ADAM19: variants seen among roughly 807,000 people sequenced by gnomAD.
The protein encoded by ADAM19 is ADAM metallopeptidase domain 19.
A neutral mutation model predicts 114.7 loss-of-function variants in ADAM19; 65 were observed. The ratio of observed to expected loss-of-function variants is 0.57; its 90% CI spans 0.46 to 0.70. The LOEUF (loss-of-function observed/expected upper bound fraction) is 0.70. Among genes scored for constraint, ADAM19 ranks in the 30% least tolerant of loss-of-function variants. ADAM19 has a pLI of 0.00. For missense variants in ADAM19, 1,063 were observed against 1,204.7 expected (o/e 0.88, Z 1.74); for synonymous variants, 466 against 460.5 (o/e 1.01, Z -0.15).
At chr5:157,527,374 C>T (rs1756496302) in intron 5 of ADAM19, among the ~76,000 whole-genome samples, 1 of 152,174 alleles carries the variant, frequency 6.6e-6, no homozygotes, top group African/African-American at 2.4e-5. Flanking sequence ...CCACGCCTGA[C>T]TAATTTTTTG....
chr5:157,482,007 A>G (rs1234764232), intron 21 of ADAM19, 64 bp from the exon 22 acceptor site: 3 of 1,308,080 alleles, frequency 2.3e-6, no homozygotes, highest in African/African-American at 1.5e-5. Context: ...AATATCCCTG[A>G]TATCTTACAG....
intron 4 of ADAM19, among the ~76,000 whole-genome samples, chr5:157,533,530 C>T (rs531207921): frequency 6.6e-6 from 1 of 152,262 alleles, no homozygotes; most frequent in South Asian, 2.1e-4. Context: ...AGGGGAGCCA[C>T]AAACCCCGTA....
chr5:157,499,881 C>T (rs1222284976), intron 12 of ADAM19, among the ~76,000 whole-genome samples: 3 of 150,520 alleles, frequency 2.0e-5, no homozygotes, highest in Non-Finnish European at 2.9e-5. Flanking sequence ...TGGTTTCAAG[C>T]GATTCTCCCG....
At chr5:157,542,595 G>A (rs1756945399) in intron 3 of ADAM19, among the ~76,000 whole-genome samples, 1 of 152,222 alleles carries the variant, frequency 6.6e-6, no homozygotes. Context: ...TGGATCACAC[G>A]AGGCCAGGAG....
chr5:157,531,787 A>T (rs1488738363), intron 4 of ADAM19, among the ~76,000 whole-genome samples: 1 of 152,138 alleles, frequency 6.6e-6, no homozygotes, highest in Non-Finnish European at 1.5e-5. Flanking sequence ...CAGAAAGAGA[A>T]GAAGGCCATT....
At chr5:157,515,165 G>C (rs1349153842) in intron 7 of ADAM19, among the ~76,000 whole-genome samples, 1 of 152,204 alleles carries the variant, frequency 6.6e-6, no homozygotes, top group Non-Finnish European at 1.5e-5. Context: ...TCTAGAGTTA[G>C]ATTCAGTGTG....
At chr5:157,535,379 T>C (rs1319939031) in intron 4 of ADAM19, among the ~76,000 whole-genome samples, 1 of 152,224 alleles carries the variant, frequency 6.6e-6, no homozygotes, top group African/African-American at 2.4e-5. Context: ...AGGCCAAGTT[T>C]GGTAGTAGAG....
Position 157,520,181 on chromosome 5 carries a change from G to A in ADAM19, c.408-150C>T, listed in dbSNP as rs1442063240. On this transcript the variant is annotated intron_variant, in intron 5 of 22. Coordinates refer to ENST00000257527, the MANE Select transcript of ADAM19 (RefSeq NM_033274.5). ...ATTATGGGGCCATGTACCCCTTCGTGAGACTCTGATGCAAGCTCACACTTC... is the reference window on the plus strand; with the variant it reads ...ATTATGGGGCCATGTACCCCTTCGTAAGACTCTGATGCAAGCTCACACTTC... 13 of 706,406 alleles carry A rather than the reference G, an allele frequency of 1.8e-5. No individual in the cohort carries two copies. The East Asian group carries it at 2.5e-4, about 13-fold the overall frequency. The allele number at this position is 706,406 out of a possible 1,614,324, so 43.8% of individuals were successfully genotyped here. A position where few individuals can be genotyped will look rare whatever the true frequency, so the allele number is the denominator to read the frequency against.
chr5:157,496,857 G>C, intron 14 of ADAM19, 37 bp downstream of exon 14: 1 of 1,497,912 alleles, frequency 6.7e-7, no homozygotes, highest in East Asian at 2.7e-5. Flanking sequence ...GGGAAGTGGT[G>C]GGCTGGGGAG....
In ADAM19 at chr5:157,480,978, C is replaced by T. The variant is rs747977098; in HGVS notation, c.2728G>A (p.Ala910Thr). The T allele has an allele frequency of 3.7e-6, 6 of 1,614,148 alleles. No homozygotes were observed. Among genetic ancestry groups the T allele is most frequent in the Non-Finnish European group, 5.1e-6 (6 of 1,180,030 alleles). Residue 910 changes from alanine (A) to threonine (T), a missense_variant, in exon 23 of 23, where the codon GCT becomes ACT. Physicochemically the swap from Ala to Thr is moderately conservative, Grantham distance 58. Around this residue, in one of 3 missense-constraint regions of ADAM19, gnomAD observed 424 missense variants for 445.5 expected, o/e 0.95. Coordinates refer to ENST00000257527, the MANE Select transcript of ADAM19 (RefSeq NM_033274.5). ...ATTTTCGAGCTAATCATCCCTCCAG[C>T]CCTCTGTGATCTGTATTCTGGAAAC... ...PKFPEYRSQR[A>T]GGMISSKI is the part of the protein sequence containing the mutation.
chr5:157,550,782 A>G (rs1444544117), intron 3 of ADAM19, among the ~76,000 whole-genome samples: 1 of 152,146 alleles, frequency 6.6e-6, no homozygotes, highest in Non-Finnish European at 1.5e-5. Flanking sequence ...AGGATCTCTC[A>G]ACAAGGGCAG....
At chr5:157,534,803 A>C (rs1312671214) in intron 4 of ADAM19, among the ~76,000 whole-genome samples, 1 of 152,212 alleles carries the variant, frequency 6.6e-6, no homozygotes, top group African/African-American at 2.4e-5. Context: ...AGAGGTTTTA[A>C]GTCATTCACA....
chr5:157,502,306 C>A (rs1339774510), intron 12 of ADAM19, among the ~76,000 whole-genome samples: 1 of 152,216 alleles, frequency 6.6e-6, no homozygotes, highest in Admixed American at 6.5e-5. Flanking sequence ...AGAGAGTTTA[C>A]ACATAAACAG....
chr5:157,569,230 C>G (rs1044864571), intron 2 of ADAM19: 1 of 141,598 alleles, frequency 7.1e-6, no homozygotes, highest in African/African-American at 2.6e-5. Context: ...TTTTATTTGT[C>G]CTGATTTTTT....
intron 11 of ADAM19, 131 bp downstream of exon 11, chr5:157,505,538 A>C: frequency 9.2e-7 from 1 of 1,090,628 alleles, no homozygotes; most frequent in East Asian, 2.8e-5. Context: ...CTTTGTTGTA[A>C]AAACTACATT....
At chr5:157,534,535 A>G (rs914206196) in intron 4 of ADAM19, among the ~76,000 whole-genome samples, 2 of 151,944 alleles carry the variant, frequency 1.3e-5, no homozygotes, top group South Asian at 4.2e-4. Context: ...GCTCATGCCT[A>G]TAATACCAAT....
intron 1 of ADAM19, among the ~76,000 whole-genome samples, chr5:157,574,530 C>G (rs1384875328): frequency 6.6e-6 from 1 of 152,118 alleles, no homozygotes; most frequent in East Asian, 1.9e-4. Context: ...TGAGGCGGCC[C>G]GGGGGTCCAG....
At chr5:157,560,264 C>CAAAAAA (rs35731498) in intron 3 of ADAM19, among the ~76,000 whole-genome samples, 1 of 51,714 alleles carries the variant, frequency 1.9e-5, no homozygotes, top group Admixed American at 3.0e-4. Flanking sequence ...GACTCCGTCT[C>CAAAAAA]AAAAAAAAAA....
chr5:157,493,655 A>G (rs1185086190), intron 15 of ADAM19, among the ~76,000 whole-genome samples: 2 of 152,098 alleles, frequency 1.3e-5, no homozygotes, highest in African/African-American at 4.8e-5. Context: ...TGGTCTGCAG[A>G]AGATTGATTT....
Sources: allele counts gnomAD v4.1 joint callset (sites outside exome capture counted in the v4.1 genomes callset), GRCh38; gene constraint gnomAD v4.1.1; regional missense constraint gnomAD v4.1.1; transcripts MANE v1.5; gene names NCBI Gene and HGNC (gene_info 2026-07-23, HGNC 2026-07-21).